The following GNA14 variants were observed in gnomAD, a reference collection of about 807,000 sequenced individuals.
GNA14 encodes guanine nucleotide-binding protein subunit alpha-14.
A neutral mutation model predicts 42.0 loss-of-function variants in GNA14; 50 were observed. The ratio of observed to expected loss-of-function variants is 1.19; its 90% CI spans 0.95 to 1.51. The LOEUF is 1.51. Among genes scored for constraint, GNA14 ranks in the 40% most tolerant of loss-of-function variants. GNA14 has a pLI of 0.00. For synonymous variants in GNA14, 173 were observed against 163.1 expected, an observed-to-expected ratio of 1.06 and a Z score of -0.46; for missense variants, 473 against 446.2, an observed-to-expected ratio of 1.06 and a Z score of -0.54.
chr9:77,600,491 G>A (rs1280279210), intron 1 of GNA14, among the ~76,000 whole-genome samples: 1 of 152,170 alleles, frequency 6.6e-6, no homozygotes, highest in Non-Finnish European at 1.5e-5. Flanking sequence ...AGTCTTTCCT[G>A]CACAGGCCCA....
chr9:77,568,473 CAGAG>C (rs1823006700), intron 1 of GNA14, among the ~76,000 whole-genome samples: 2 of 140,152 alleles, frequency 1.4e-5, no homozygotes, highest in South Asian at 2.3e-4. Context: ...GCCTGGGTGA[CAGAG>C]AGAGACTCCA....
At chr9:77,508,983 TGTACA>T (rs1587807521) in intron 2 of GNA14, among the ~76,000 whole-genome samples, 1 of 152,192 alleles carries the variant, frequency 6.6e-6, no homozygotes, top group Non-Finnish European at 1.5e-5. Flanking sequence ...TATTTTTAAG[TGTACA>T]GTTTAGGGCA....
rs761227446 is a variant in GNA14 at position 77,431,403 on chromosome 9, T to C, written c.511A>G (p.Thr171Ala). ...DRIATPSFVPTQQDVLRVRVP... is the reference protein window; with the variant it reads ...DRIATPSFVPAQQDVLRVRVP... ...CGGACGCGAAGCACATCTTGTTGGG[T>C]AGGCACGAATGATGGTGTGGCGATG... Residue 171 changes from threonine to alanine, a missense_variant, in exon 4 of 7, where the codon ACC becomes GCC. Physicochemically the swap from Thr to Ala is moderately conservative, Grantham distance 58. Transcript: ENST00000341700. The C allele has an allele frequency of 2.3e-5, 37 of 1,613,568 alleles. No homozygotes were observed. The highest frequency in any genetic ancestry group is 2.8e-5 in the Non-Finnish European group (33 of 1,179,726).
intron 1 of GNA14, among the ~76,000 whole-genome samples, chr9:77,600,284 A>G (rs180765464): frequency 2.3e-4 from 35 of 152,312 alleles, no homozygotes; most frequent in South Asian, 6.2e-4. Flanking sequence ...TTCCCAAACC[A>G]GCTATTTTTA....
At chr9:77,621,467 G>C (rs1031995508) in intron 1 of GNA14, among the ~76,000 whole-genome samples, 2 of 152,194 alleles carry the variant, frequency 1.3e-5, no homozygotes, top group Admixed American at 6.5e-5. Context: ...CACACACACA[G>C]AATAAATTGG....
intron 1 of GNA14, among the ~76,000 whole-genome samples, chr9:77,617,591 G>A (rs948550392): frequency 6.6e-6 from 1 of 152,154 alleles, no homozygotes; most frequent in South Asian, 2.1e-4. Flanking sequence ...AGCAATCAGA[G>A]CTTTCTTTTT....
At chr9:77,640,870 T>TAAA (rs1564073436) in intron 1 of GNA14, among the ~76,000 whole-genome samples, 1 of 12,028 alleles carries the variant, frequency 8.3e-5, no homozygotes, top group African/African-American at 5.6e-4. Flanking sequence ...AATAAAATGC[T>TAAA]CAAAAAAAAA....
At chr9:77,478,736 G>A (rs1836483609) in intron 2 of GNA14, among the ~76,000 whole-genome samples, 1 of 152,070 alleles carries the variant, frequency 6.6e-6, no homozygotes, top group Admixed American at 6.6e-5. Flanking sequence ...GGTGTGAGAT[G>A]GTATCTCATT....
intron 1 of GNA14, among the ~76,000 whole-genome samples, chr9:77,539,187 T>C (rs1426313093): frequency 2.0e-5 from 3 of 152,210 alleles, no homozygotes; most frequent in Admixed American, 2.0e-4. Context: ...GTTCCTTCTA[T>C]TTCTAGTTTG....
intron 4 of GNA14, 76 bp downstream of exon 4, chr9:77,431,245 A>T: frequency 7.5e-7 from 1 of 1,340,540 alleles, no homozygotes; most frequent in East Asian, 2.3e-5. Context: ...GCTTAGGAAT[A>T]ACACGTTTAA....
chr9:77,544,259 G>GT (rs964867308), intron 1 of GNA14, among the ~76,000 whole-genome samples: 8 of 152,270 alleles, frequency 5.3e-5, no homozygotes, highest in South Asian at 4.1e-4. Context: ...ACAAAATTCT[G>GT]TTTTGGAAAA....
intron 1 of GNA14, among the ~76,000 whole-genome samples, chr9:77,578,926 C>A (rs1823171984): frequency 6.6e-6 from 1 of 152,192 alleles, no homozygotes; most frequent in Non-Finnish European, 1.5e-5. Context: ...ATCCAAAACA[C>A]AGACTTGTGG....
intron 1 of GNA14, among the ~76,000 whole-genome samples, chr9:77,602,188 C>T (rs952374513): frequency 6.6e-6 from 1 of 152,090 alleles, no homozygotes; most frequent in African/African-American, 2.4e-5. Flanking sequence ...TGCTGACTGC[C>T]GTAAAGCTTG....
chr9:77,592,824 A>G (rs1425194757), intron 1 of GNA14, among the ~76,000 whole-genome samples: 1 of 152,154 alleles, frequency 6.6e-6, no homozygotes, highest in Non-Finnish European at 1.5e-5. Flanking sequence ...TGAAGGACAA[A>G]CCACTTGACA....
chr9:77,465,594 T>C (rs1836208190), intron 2 of GNA14, among the ~76,000 whole-genome samples: 1 of 152,216 alleles, frequency 6.6e-6, no homozygotes, highest in Non-Finnish European at 1.5e-5. Context: ...TGCCCCATTT[T>C]TTATTCCCAC....
At chr9:77,537,669 A>G (rs1216379711) in intron 1 of GNA14, among the ~76,000 whole-genome samples, 1 of 152,176 alleles carries the variant, frequency 6.6e-6, no homozygotes, top group African/African-American at 2.4e-5. Context: ...TGTTTTCCAT[A>G]GTGGTTATAT....
At chr9:77,540,358 T>C (rs1195378475) in intron 1 of GNA14, among the ~76,000 whole-genome samples, 1 of 152,158 alleles carries the variant, frequency 6.6e-6, no homozygotes, top group East Asian at 1.9e-4. Context: ...TTTGATTTTT[T>C]AAAATGTGTT....
chr9:77,464,904 G>C (rs768063339), intron 2 of GNA14, among the ~76,000 whole-genome samples: 2 of 152,134 alleles, frequency 1.3e-5, no homozygotes, highest in Non-Finnish European at 2.9e-5. Context: ...ACACAGAGAG[G>C]AGAATGCCGT....
At chr9:77,477,381 T>A (rs2131725706) in intron 2 of GNA14, among the ~76,000 whole-genome samples, 1 of 152,026 alleles carries the variant, frequency 6.6e-6, no homozygotes, top group African/African-American at 2.4e-5. Context: ...AGAAAACAGA[T>A]ATGTTAAGTA....
Sources: gnomAD v4.1 joint callset for allele counts (sites outside exome capture counted in the v4.1 genomes callset) on GRCh38, gnomAD v4.1.1 for gene constraint, MANE v1.5 for transcripts, NCBI Gene and HGNC (gene_info 2026-07-23, HGNC 2026-07-21) for gene names.